Variants in RBCK1 observed in about 807,000 individuals in gnomAD.
RBCK1 encodes ranBP-type and C3HC4-type zinc finger-containing protein 1.
Under a neutral mutation model 71.1 loss-of-function variants are expected in RBCK1, and 44 were observed. That is an observed-to-expected ratio of 0.62 (90% CI 0.49 to 0.80). The LOEUF (loss-of-function observed/expected upper bound fraction) is 0.80, where lower values mean the gene tolerates loss of function less well. RBCK1 is among the 30% of genes least tolerant of loss of function. The pLI is 0.00. For missense variants in RBCK1, 569 were observed against 685.0 expected (o/e 0.83, Z 1.89); for synonymous variants, 306 against 279.7 (o/e 1.09, Z -0.94).
At chr20:416,956 T>C (rs2016025375) in intron 2 of RBCK1, among the ~76,000 whole-genome samples, 1 of 152,162 alleles carries the variant, frequency 6.6e-6, no homozygotes, top group South Asian at 2.1e-4. Context: ...ACTACTGCAC[T>C]CCAGCCTGGG....
At chr20:424,457 C>A (rs1253689784) in intron 8 of RBCK1, among the ~76,000 whole-genome samples, 1 of 152,172 alleles carries the variant, frequency 6.6e-6, no homozygotes, top group Admixed American at 6.5e-5. Context: ...CTCTCCTATG[C>A]CCCTATTTCT....
In RBCK1 at chr20:422,890, A is replaced by G. The variant is rs113794638; in HGVS notation, c.1029+652A>G. ...TGGAGCCTGGTGGCCTGGGTGTGTG[A>G]CCACAAGTCAGATATTTAACCTCTC... On this transcript the variant is annotated intron_variant, in intron 8 of 11. Coordinates refer to ENST00000356286, the MANE Select transcript of RBCK1 (RefSeq NM_031229.4). This position sits in a 1 kb window ranked among gnomAD's most constrained non-coding sequence, Gnocchi z 5.0. 0.023 allele frequency among the ~76,000 whole-genome samples: 3,454 copies of G among 151,998 alleles called. 48 individuals carry two copies. Among genetic ancestry groups the G allele is most frequent in the Non-Finnish European group, 0.036 (2,450 of 68,008 alleles).
Position 431,524 on chromosome 20 carries a change from T to C in RBCK1, c.*1094T>C, listed in dbSNP as rs2017014518. On this transcript the variant is annotated 3_prime_UTR_variant, in exon 12 of 12. Coordinates refer to ENST00000356286, the MANE Select transcript of RBCK1 (RefSeq NM_031229.4). The surrounding 1 kb of genome is among the most constrained non-coding windows in gnomAD (Gnocchi z 4.8). Reference sequence around the variant, plus strand: ...CCCTCCTTCCCCTTTTGAGATCTGGTATTTGATGCCCAACACATTGTCCAC... The same window carrying C: ...CCCTCCTTCCCCTTTTGAGATCTGGCATTTGATGCCCAACACATTGTCCAC... Among the ~76,000 whole-genome samples, 1 of 152,142 alleles carries C rather than the reference T, an allele frequency of 6.6e-6. No homozygotes were observed. Among genetic ancestry groups the C allele is most frequent in the South Asian group, 2.1e-4 (1 of 4,834 alleles).
Position 430,363 on chromosome 20 carries a change from C to T in RBCK1, c.1466C>T (p.Thr489Ile). Residue 489 changes from threonine to isoleucine, a missense_variant, in exon 12 of 12, where the codon ACC (threonine) becomes ATC (isoleucine). Transcript: ENST00000356286. The surrounding 1 kb of genome is among the most constrained non-coding windows in gnomAD (Gnocchi z 5.6). ...PRWGPGGPGD[T>I]SGGCRCRVNG... ...CCCATCCTCTAGGGCCCAGGAGACA[C>T]CAGCGGGGGCTGCCGCTGCAGGGTA... 6.2e-7 allele frequency: 1 copy of T among 1,611,542 alleles called. No individual in the cohort carries two copies. The highest frequency in any genetic ancestry group is 1.3e-5 in the African/African-American group (1 of 74,990).
intron 8 of RBCK1, among the ~76,000 whole-genome samples, chr20:426,385 T>C (rs763555602): frequency 3.2e-4 from 48 of 152,356 alleles, no homozygotes; most frequent in Non-Finnish European, 1.6e-4. Context: ...AGCATCCTTT[T>C]ACTGTCTGTC....
At chr20:421,268 G>C (rs189945390) in intron 7 of RBCK1, among the ~76,000 whole-genome samples, 43 of 151,138 alleles carry the variant, frequency 2.8e-4, no homozygotes, top group Admixed American at 7.9e-4. Context: ...GCGCAGGCGT[G>C]GGGGGAGACT....
intron 4 of RBCK1, 143 bp from the exon 5 acceptor site, chr20:419,204 G>T: frequency 8.8e-7 from 1 of 1,136,814 alleles, no homozygotes; most frequent in Non-Finnish European, 1.2e-6. Flanking sequence ...TGCCCACTTG[G>T]CCAGATGGAA....
chr20:426,301 T>G (rs2016710402), intron 8 of RBCK1, among the ~76,000 whole-genome samples: 1 of 147,208 alleles, frequency 6.8e-6, no homozygotes, highest in Non-Finnish European at 1.5e-5. Context: ...TACTAGGTCT[T>G]ACTCTATTTT....
chr20:420,610 C>T, intron 6 of RBCK1: 1 of 962,622 alleles, frequency 1.0e-6, no homozygotes, highest in Non-Finnish European at 1.2e-6. Flanking sequence ...CCTTGGCTTC[C>T]CCACCTCCAC....
intron 2 of RBCK1, among the ~76,000 whole-genome samples, chr20:411,531 C>A (rs1033235062): frequency 3.9e-5 from 6 of 152,170 alleles, no homozygotes; most frequent in Non-Finnish European, 2.9e-5. Flanking sequence ...CCACGCCCAG[C>A]TAATTTTTTG....
At chr20:418,595 C>T (rs533688894) in intron 4 of RBCK1, among the ~76,000 whole-genome samples, 114 of 152,256 alleles carry the variant, frequency 7.5e-4, no homozygotes, top group Non-Finnish European at 1.4e-3. Flanking sequence ...GTCTCGATCT[C>T]CTGACTTTGT....
intron 2 of RBCK1, chr20:410,261 G>C (rs2015624314): frequency 6.2e-6 from 4 of 642,296 alleles, no homozygotes; most frequent in African/African-American, 1.8e-5. Context: ...GAGGTGTACT[G>C]TATTAGGATG....
At chr20:421,347 C>T (rs1189557558) in intron 7 of RBCK1, among the ~76,000 whole-genome samples, 1 of 152,206 alleles carries the variant, frequency 6.6e-6, no homozygotes, top group South Asian at 2.1e-4. Context: ...CTGTGGGCAT[C>T]TGCCAGTTTC....
chr20:428,687 G>A lies in RBCK1; in HGVS notation c.1308+98G>A. Reference sequence around the variant, plus strand: ...GTAAGGGCTGTGCTCACACATCCCTGGAGGCTCTGACCTCCCTTCTGGCTG... The same window carrying A: ...GTAAGGGCTGTGCTCACACATCCCTAGAGGCTCTGACCTCCCTTCTGGCTG... On this transcript the variant is annotated intron_variant, in intron 10 of 11. Transcript: ENST00000356286. The surrounding 1 kb of genome is among the most constrained non-coding windows in gnomAD (Gnocchi z 5.7). The A allele has an allele frequency of 2.9e-6, 4 of 1,380,092 alleles. No homozygotes were observed. The highest frequency in any genetic ancestry group is 3.9e-6 in the Non-Finnish European group (4 of 1,031,466). The allele number at this position is 1,380,092 out of a possible 1,614,324, so 85.5% of individuals were successfully genotyped here.
At position 430,954 on chromosome 20, in the gene RBCK1, G is replaced by C. The variant is rs1419482005; in HGVS notation, c.*524G>C. 6.4e-6 allele frequency: 1 copy of C among 155,202 alleles called. No individual in the cohort carries two copies. The highest frequency in any genetic ancestry group is 1.9e-4 in the East Asian group (1 of 5,256). 9.6% of individuals were successfully genotyped at this position (155,202 alleles called of 1,614,324 possible). A position where few individuals can be genotyped will look rare whatever the true frequency, so the allele number is the denominator to read the frequency against. Reference sequence around the variant, plus strand: ...CTGTGTAAGCTATTATAATTAAAATGGTTTTCCGGGAAGGGATGAGTGTGA... The same window carrying C: ...CTGTGTAAGCTATTATAATTAAAATCGTTTTCCGGGAAGGGATGAGTGTGA... On this transcript the variant is annotated 3_prime_UTR_variant, in exon 12 of 12. Coordinates refer to ENST00000356286, the MANE Select transcript of RBCK1 (RefSeq NM_031229.4). The surrounding 1 kb of genome is among the most constrained non-coding windows in gnomAD (Gnocchi z 5.6).
In RBCK1 at chr20:417,668, A is replaced by G. The variant is rs1194292182; in HGVS notation, c.261+49A>G. 13 of 1,603,222 alleles carry G rather than the reference A, an allele frequency of 8.1e-6. No homozygotes were observed. Among genetic ancestry groups the G allele is most frequent in the South Asian group, 1.1e-5 (1 of 90,770 alleles). On this transcript the variant is annotated intron_variant, in intron 3 of 11. Transcript: ENST00000356286. This position sits in a 1 kb window ranked among gnomAD's most constrained non-coding sequence, Gnocchi z 4.7. ...CACTGGGGTGAAGGCTCTCCCTTTC[A>G]CTCCTGCTTCCTCTCTCTCCTCTGG... is the stretch of plus-strand genomic sequence containing the variant.
At position 419,684 on chromosome 20, in the gene RBCK1, CGAGCGCGCCTGGCGGGCGAGGAGGAGG is replaced by C; in HGVS notation, c.710_736del (p.Arg237_Ala246delinsPro). ...CTCATACCAGCCCGACGAGGAGGAGCGAGCGCGCCTGGCGGGCGAGGAGGAGGCGCTGCGTCAGTACCAGCAGGTGGG... is the reference window on the plus strand; with the variant it reads ...CTCATACCAGCCCGACGAGGAGGAGCCGCTGCGTCAGTACCAGCAGGTGGG... On this transcript the variant is annotated inframe_deletion, in exon 6 of 12. Coordinates refer to ENST00000356286, the MANE Select transcript of RBCK1 (RefSeq NM_031229.4). 6.3e-7 allele frequency: 1 copy of C among 1,577,582 alleles called. No individual in the cohort carries two copies.
rs2016992908 is a variant in RBCK1 at position 431,044 on chromosome 20, C to G, written c.*614C>G. On this transcript the variant is annotated 3_prime_UTR_variant, in exon 12 of 12. Transcript: ENST00000356286. The surrounding 1 kb of genome is among the most constrained non-coding windows in gnomAD (Gnocchi z 4.8). ...ACACACAGGCAGGATCCTGAGGTCT[C>G]TGGGAACTGCATCAGAAAGTTGACT... 6.6e-6 allele frequency: 1 copy of G among 152,206 alleles called. No homozygotes were observed. The highest frequency in any genetic ancestry group is 6.5e-5 in the Admixed American group (1 of 15,290). The allele number at this position is 152,206 out of a possible 1,614,324, so 9.4% of individuals were successfully genotyped here. A position where few individuals can be genotyped will look rare whatever the true frequency, so the allele number is the denominator to read the frequency against.
At position 430,546 on chromosome 20, in the gene RBCK1, T is replaced by C. The variant is rs766498545; in HGVS notation, c.*116T>C. 5.9e-6 allele frequency: 6 copies of C among 1,021,240 alleles called. No individual in the cohort carries two copies. The highest frequency in any genetic ancestry group is 8.9e-6 in the Non-Finnish European group (6 of 676,818). 63.3% of individuals were successfully genotyped at this position (1,021,240 alleles called of 1,614,324 possible). A position where few individuals can be genotyped will look rare whatever the true frequency, so the allele number is the denominator to read the frequency against. ...GCTGTAGCGTTGTAGGGGCCCTGCC[T>C]GCACTGCGGTTGTCCACGGTCACAT... On this transcript the variant is annotated 3_prime_UTR_variant, in exon 12 of 12. Transcript: ENST00000356286. This position sits in a 1 kb window ranked among gnomAD's most constrained non-coding sequence, Gnocchi z 5.6.
Sources: allele counts gnomAD v4.1 joint callset (sites outside exome capture counted in the v4.1 genomes callset), GRCh38; gene constraint gnomAD v4.1.1; non-coding constraint Gnocchi (gnomAD v3.1); transcripts MANE v1.5; gene names NCBI Gene and HGNC (gene_info 2026-07-23, HGNC 2026-07-21).